UBR4: variants seen among roughly 807,000 people sequenced by gnomAD.
UBR4 encodes the protein E3 ubiquitin-protein ligase UBR4.
In UBR4, 124 loss-of-function variants were observed where a neutral mutation model predicts 575.6. That is an observed-to-expected ratio of 0.22 (90% CI 0.19 to 0.25). UBR4 has a LOEUF of 0.25. UBR4 is among the 10% of genes least tolerant of loss of function. The probability of loss-of-function intolerance (pLI) is 1.00; values close to 1 mark genes in which losing one functional copy is unlikely to be tolerated. For synonymous variants in UBR4, 2,455 were observed against 2,473.7 expected (o/e 0.99, Z 0.22); for missense variants, 4,818 against 6,478.8 (o/e 0.74, Z 8.80).
intron 52 of UBR4, chr1:19,146,179 C>G: frequency 7.7e-7 from 1 of 1,292,652 alleles, no homozygotes; most frequent in African/African-American, 1.5e-5. Flanking sequence ...GGATGTTTAC[C>G]GCAGATTCAA....
intron 41 of UBR4, 91 bp from the exon 42 acceptor site, chr1:19,156,514 T>G (rs2086474394): frequency 6.8e-7 from 1 of 1,470,286 alleles, no homozygotes; most frequent in Middle Eastern, 1.8e-4. Flanking sequence ...TTTTTTCCTC[T>G]AATATCCCCT....
rs1322334616 is a variant in UBR4, at chr1:19,162,412, G to A, written c.4956+8C>T. The A allele has an allele frequency of 2.5e-6, 4 of 1,610,508 alleles. No individual in the cohort carries two copies. Among genetic ancestry groups the A allele is most frequent in the Non-Finnish European group, 3.4e-6 (4 of 1,178,642 alleles). On this transcript the variant is annotated splice_region_variant and intron_variant, in intron 35 of 105. Coordinates refer to ENST00000375254, the MANE Select transcript of UBR4 (RefSeq NM_020765.3). The stretch of plus-strand genomic sequence containing the variant: ...GAGAGGTTAACTTCGAGGTTACTTA[G>A]TACTTACTGAATCCTCAGCCTGGGA...
rs188196174 is a variant in UBR4 at position 19,158,140 on chromosome 1, G to A, written c.5578-143C>T. The A allele has an allele frequency of 1.3e-4, 95 of 729,508 alleles. No homozygotes were observed. The Admixed American group carries it at 1.5e-3, about 12-fold the overall frequency. The allele number at this position is 729,508 out of a possible 1,614,324, so 45.2% of individuals were successfully genotyped here. A position where few individuals can be genotyped will look rare whatever the true frequency, so the allele number is the denominator to read the frequency against. ...TTCGGCCTCCAAACCGTGGATGGCT[G>A]TGTAAATGTGTTAAAGTTATTATCA... On this transcript the variant is annotated intron_variant, in intron 39 of 105. Transcript: ENST00000375254.
At chr1:19,194,498 A>C (rs565212927) in intron 8 of UBR4, among the ~76,000 whole-genome samples, 1 of 152,292 alleles carries the variant, frequency 6.6e-6, no homozygotes, top group African/African-American at 2.4e-5. Context: ...TTTTTAAAAA[A>C]GTAATAAAAA....
At chr1:19,165,786 C>T (rs755108512) in intron 29 of UBR4, 29 bp from the exon 30 acceptor site, 6 of 1,576,164 alleles carry the variant, frequency 3.8e-6, no homozygotes, top group Non-Finnish European at 5.2e-6. Context: ...ACTTAACCAC[C>T]AGTATTAAGA....
intron 41 of UBR4, 105 bp downstream of exon 41, chr1:19,156,662 T>C: frequency 6.8e-7 from 1 of 1,480,966 alleles, no homozygotes; most frequent in Non-Finnish European, 9.1e-7. Context: ...AGGTTTTAAA[T>C]TTTAATCTCC....
chr1:19,087,938 G>A lies in UBR4; in HGVS notation c.14431-9C>T, dbSNP rs1432830576. 2 of 1,592,902 alleles carry A rather than the reference G, an allele frequency of 1.3e-6. No homozygotes were observed. Among genetic ancestry groups the A allele is most frequent in the Non-Finnish European group, 1.7e-6 (2 of 1,166,042 alleles). ...TGGCCCTTTTCATTTGTCTGTAGGG[G>A]AACCCCGGTGGCATGTCAAGGGGAT... On this transcript the variant is annotated splice_polypyrimidine_tract_variant and intron_variant, in intron 98 of 105. Coordinates refer to ENST00000375254, the MANE Select transcript of UBR4 (RefSeq NM_020765.3).
chr1:19,129,087 G>A lies in UBR4; in HGVS notation c.8907-13C>T, dbSNP rs770984073. The A allele has an allele frequency of 4.3e-6, 7 of 1,611,312 alleles. No individual in the cohort carries two copies. Among genetic ancestry groups the A allele is most frequent in the Non-Finnish European group, 5.9e-6 (7 of 1,177,616 alleles). On this transcript the variant is annotated splice_polypyrimidine_tract_variant and intron_variant, in intron 60 of 105. Coordinates refer to ENST00000375254, the MANE Select transcript of UBR4 (RefSeq NM_020765.3). ...GACCATGTGCAGCCTAAAAGGGTGGGGAAAAGATAGAAAATATGAGCTGTA... is the reference window on the plus strand; with the variant it reads ...GACCATGTGCAGCCTAAAAGGGTGGAGAAAAGATAGAAAATATGAGCTGTA...
At position 19,170,883 on chromosome 1, in the gene UBR4, T is replaced by C. The variant is rs1310124983; in HGVS notation, c.3522A>G (p.Arg1174=). 6.2e-7 allele frequency: 1 copy of C among 1,614,052 alleles called. No individual in the cohort carries two copies. ...QLIDTYASFT[R]AYLLQNFNEE... ...CATTAAAGTTTTGCAGCAAATAGGC[T>C]CTGGGGAAAAAACAGGGGGAAAGTG... Residue 1174 remains arginine (R), a splice_region_variant and synonymous_variant, in exon 26 of 106, where the codon AGA becomes AGG. Transcript: ENST00000375254.
At chr1:19,199,078 C>T (rs1394092230) in intron 3 of UBR4, 150 bp from the exon 4 acceptor site, 40 of 867,508 alleles carry the variant, frequency 4.6e-5, no homozygotes, top group Middle Eastern at 3.6e-4. Flanking sequence ...GTCCTTAGAC[C>T]GTATGTAGCT....
rs1169789917 is a variant in UBR4 at position 19,138,054 on chromosome 1, C to G, written c.8859G>C (p.Glu2953Asp). 1.3e-6 allele frequency: 2 copies of G among 1,590,228 alleles called. No individual in the cohort carries two copies. The highest frequency in any genetic ancestry group is 1.7e-6 in the Non-Finnish European group (2 of 1,164,648). ...TTGHQEGDGS[E>D]GEGEGETEGD... ...CTTCAGTTTCTCCTTCTCCTTCTCC[C>G]TCGGAGCCATCTCCCTCCTGGTGCC... Residue 2953 changes from glutamate (E) to aspartate (D), a missense_variant, in exon 60 of 106, where the codon GAG becomes GAC. Physicochemically the swap from Glu to Asp is conservative, Grantham distance 45. Transcript: ENST00000375254.
At chr1:19,181,317 CCA>C (rs1430737095) in intron 17 of UBR4, among the ~76,000 whole-genome samples, 2 of 152,042 alleles carry the variant, frequency 1.3e-5, no homozygotes, top group Admixed American at 6.6e-5. Flanking sequence ...CTGCTTGAGC[CCA>C]GAGTTCAAGA....
At chr1:19,077,378 A>C (rs1219764177) in intron 104 of UBR4, among the ~76,000 whole-genome samples, 1 of 152,118 alleles carries the variant, frequency 6.6e-6, no homozygotes, top group Non-Finnish European at 1.5e-5. Context: ...CCCGGCGGGG[A>C]AGGTCTTCCT....
intron 65 of UBR4, among the ~76,000 whole-genome samples, chr1:19,124,275 C>A (rs2081494430): frequency 6.6e-6 from 1 of 152,176 alleles, no homozygotes; most frequent in South Asian, 2.1e-4. Flanking sequence ...TCTGACAGAA[C>A]CTAAATTATT....
At chr1:19,159,377 C>G (rs1238568343) in intron 39 of UBR4, among the ~76,000 whole-genome samples, 1 of 152,074 alleles carries the variant, frequency 6.6e-6, no homozygotes, top group Non-Finnish European at 1.5e-5. Context: ...GGAAAGTTAT[C>G]TAAAGGACTA....
rs1358232002 is a variant in UBR4, at chr1:19,106,456, G to A, written c.12393+113C>T. ...CCCTATTTGAAAGGAAGCAAGAAGA[G>A]CAAAGAGAAAGAAGAGATGGCAGTG... is the stretch of plus-strand genomic sequence containing the variant. On this transcript the variant is annotated intron_variant, in intron 83 of 105. Transcript: ENST00000375254. 3.0e-6 allele frequency: 4 copies of A among 1,346,532 alleles called. No homozygotes were observed. The African/African-American group carries it at 5.9e-5, about 20-fold the overall frequency. 83.4% of individuals were successfully genotyped at this position (1,346,532 alleles called of 1,614,324 possible). A position where few individuals can be genotyped will look rare whatever the true frequency, so the allele number is the denominator to read the frequency against.
rs2089414143 is a variant in UBR4 at position 19,170,798 on chromosome 1, C to A, written c.3607G>T (p.Ala1203Ser). Residue 1203 changes from alanine (A) to serine (S), a missense_variant, in exon 26 of 106, where the codon GCT becomes TCT. Ala to Ser is a moderately conservative substitution (Grantham distance 99). This residue lies in a region of UBR4 where 1,172 missense variants were observed against 1,259.7 expected (regional missense o/e 0.93). Coordinates refer to ENST00000375254, the MANE Select transcript of UBR4 (RefSeq NM_020765.3). ...EKLQGFAAVL[A>S]IGSSRCKANT... is the part of the protein sequence containing the mutation. ...GCCTTGCACCTGCTAGAGCCAATAG[C>A]CAAAACAGCAGCAAAGCCTTGCAGT... 6.2e-7 allele frequency: 1 copy of A among 1,614,144 alleles called. No homozygotes were observed. The highest frequency in any genetic ancestry group is 8.5e-7 in the Non-Finnish European group (1 of 1,180,022).
Position 19,115,517 on chromosome 1 carries a change from A to G in UBR4, c.10944T>C (p.Tyr3648=). The G allele has an allele frequency of 6.2e-7, 1 of 1,614,240 alleles. No homozygotes were observed. Among genetic ancestry groups the G allele is most frequent in the East Asian group, 2.2e-5 (1 of 44,884 alleles). ...TCTCTGTGGAGGCCTGGTAGTTTTC[A>G]TAGAAGTCTGCAAACTCAATCATCA... ...SNLMIEFADF[Y]ENYQASTETL... The change falls in exon 74 of 106, where the codon TAT becomes TAC. Residue 3648 remains tyrosine (Y), a synonymous_variant. Coordinates refer to ENST00000375254, the MANE Select transcript of UBR4 (RefSeq NM_020765.3).
intron 55 of UBR4, 122 bp from the exon 56 acceptor site, chr1:19,141,899 C>G (rs1002585879): frequency 2.2e-6 from 3 of 1,392,250 alleles, no homozygotes; most frequent in East Asian, 4.6e-5. Flanking sequence ...TGGGCTTTAG[C>G]GGGAGAACTC....
Sources: gnomAD v4.1 joint callset for allele counts (sites outside exome capture counted in the v4.1 genomes callset) on GRCh38, gnomAD v4.1.1 for gene constraint, gnomAD v4.1.1 regional missense constraint, MANE v1.5 for transcripts, NCBI Gene and HGNC (gene_info 2026-07-23, HGNC 2026-07-21) for gene names.